Variants in RAI2 observed in about 807,000 individuals in gnomAD.
RAI2 encodes the protein retinoic acid induced 2.
In RAI2, 5 loss-of-function variants were observed where a neutral mutation model predicts 15.3. The ratio of observed to expected loss-of-function variants is 0.33; its 90% CI spans 0.17 to 0.69. The LOEUF (loss-of-function observed/expected upper bound fraction) is 0.69, where lower values mean the gene tolerates loss of function less well. RAI2 is among the 30% of genes least tolerant of loss of function. The pLI is 0.69. For synonymous variants in RAI2, 191 were observed against 184.0 expected, an observed-to-expected ratio of 1.04 and a Z score of -0.31; for missense variants, 424 against 424.7, an observed-to-expected ratio of 1.00 and a Z score of 0.01.
rs866910530 is a variant in RAI2, at chrX:17,801,858, C to T, written c.153G>A (p.Val51=). 8.3e-7 allele frequency: 1 copy of T among 1,211,025 alleles called. No individual in the cohort carries two copies. Among genetic ancestry groups the T allele is most frequent in the Non-Finnish European group, 1.1e-6 (1 of 895,311 alleles). ...TCAGAATGGATGGGGCTGGCACGGT[C>T]ACCAGGGCCTTCTTTACCAGGTCAG... ...NSTDLVKKAL[V]TVPAPSILNP... The change falls in exon 2 of 2, where the codon GTG becomes GTA. Residue 51 remains valine, a synonymous_variant. Coordinates refer to ENST00000451717, the MANE Select transcript of RAI2 (RefSeq NM_021785.6).
intron 1 of RAI2, among the ~76,000 whole-genome samples, chrX:17,820,512 G>A (rs372461406): frequency 1.8e-5 from 2 of 111,814 alleles, no homozygotes; most frequent in East Asian, 2.8e-4. Flanking sequence ...CTCCTATTTT[G>A]CATGCTGGAG....
chrX:17,827,013 A>C (rs771330601), intron 1 of RAI2, among the ~76,000 whole-genome samples: 15 of 112,674 alleles, frequency 1.3e-4, no homozygotes, highest in African/African-American at 4.8e-4. Context: ...GCTACAGCTG[A>C]AGATATAGAG....
chrX:17,825,671 T>A (rs759297388), intron 1 of RAI2, among the ~76,000 whole-genome samples: 2 of 112,628 alleles, frequency 1.8e-5, no homozygotes, highest in Non-Finnish European at 3.8e-5. Context: ...CAGGTAGTGA[T>A]GTCTTAGATA....
At chrX:17,853,491 G>A (rs1250274307) in intron 1 of RAI2, among the ~76,000 whole-genome samples, 1 of 111,562 alleles carries the variant, frequency 9.0e-6, no homozygotes, top group Admixed American at 9.5e-5. Flanking sequence ...TCTAGGGTAG[G>A]AGGATGTGGT....
chrX:17,802,357 C>T (rs1010153144), intron 1 of RAI2, among the ~76,000 whole-genome samples: 5 of 112,269 alleles, frequency 4.5e-5, no homozygotes, highest in African/African-American at 9.7e-5. Context: ...TCAACAAAAA[C>T]GAAGTTTCAG....
rs2067200272 is a variant in RAI2, at chrX:17,824,070, A to G, written c.-24-22036T>C. Among the ~76,000 whole-genome samples the G allele has an allele frequency of 2.7e-5, 3 of 112,805 alleles. 1 individual carries two copies. The South Asian group carries it at 1.1e-3, about 41-fold the overall frequency. On this transcript the variant is annotated intron_variant, in intron 1 of 1. Transcript: ENST00000451717. ...GCTGAATCAATAAGTGAATGAATAG[A>G]TGAATAAATAGATAAACGAATGAAT... is the stretch of plus-strand genomic sequence containing the variant.
intron 1 of RAI2, among the ~76,000 whole-genome samples, chrX:17,812,327 C>T (rs954826110): frequency 3.6e-5 from 4 of 112,110 alleles, no homozygotes; most frequent in African/African-American, 1.3e-4. Flanking sequence ...TAAGAAGGCA[C>T]TTACCATAAG....
At chrX:17,856,521 T>C (rs1283950997) in intron 1 of RAI2, among the ~76,000 whole-genome samples, 11 of 112,574 alleles carry the variant, frequency 9.8e-5, no homozygotes, top group African/African-American at 3.2e-4. Flanking sequence ...GATCTTTGAC[T>C]TCCCATCCTC....
intron 1 of RAI2, among the ~76,000 whole-genome samples, chrX:17,836,134 CTT>C (rs1465113654): frequency 9.1e-6 from 1 of 109,562 alleles, no homozygotes; most frequent in East Asian, 3.0e-4. Flanking sequence ...TTCCTCACAT[CTT>C]TTTGGAGTTA....
At chrX:17,826,772 C>T (rs751598250) in intron 1 of RAI2, among the ~76,000 whole-genome samples, 2 of 111,288 alleles carry the variant, frequency 1.8e-5, no homozygotes, top group South Asian at 7.7e-4. Context: ...CTCACAAGAT[C>T]TGATGGTTTA....
intron 1 of RAI2, among the ~76,000 whole-genome samples, chrX:17,810,733 T>C (rs1334377243): frequency 8.9e-6 from 1 of 112,402 alleles, no homozygotes. Context: ...AAGCCCCTAC[T>C]ACCTTCAGCC....
chrX:17,809,851 T>C (rs1216448503), intron 1 of RAI2, among the ~76,000 whole-genome samples: 1 of 111,339 alleles, frequency 9.0e-6, no homozygotes, highest in African/African-American at 3.3e-5. Flanking sequence ...TACTGCACCC[T>C]CAACCTCCAA....
intron 1 of RAI2, among the ~76,000 whole-genome samples, chrX:17,840,004 A>G (rs1403770746): frequency 1.8e-5 from 2 of 112,749 alleles, no homozygotes; most frequent in African/African-American, 6.4e-5. Flanking sequence ...GTGTGTTAAG[A>G]ACTTAAAGAA....
chrX:17,845,497 C>T (rs1374351633), intron 1 of RAI2, among the ~76,000 whole-genome samples: 1 of 112,087 alleles, frequency 8.9e-6, no homozygotes, highest in Admixed American at 9.4e-5. Context: ...TACCTGAAGG[C>T]TTGCACCAGG....
At chrX:17,836,326 A>G (rs767418834) in intron 1 of RAI2, among the ~76,000 whole-genome samples, 9 of 111,842 alleles carry the variant, frequency 8.0e-5, no homozygotes, top group African/African-American at 2.0e-4. Context: ...CATACACCTA[A>G]CCTACCAAAA....
rs368945317 is a variant in RAI2, at chrX:17,801,607, T to G, written c.404A>C (p.Asn135Thr). Reference protein sequence around the residue: ...VLEQHVFQHLNSPLVLPQEAP... With the variant: ...VLEQHVFQHLTSPLVLPQEAP... ...CTCCTGCGGCAGGACCAGAGGGGAGTTGAGGTGCTGAAAGACGTGCTGCTC... is the reference window on the plus strand; with the variant it reads ...CTCCTGCGGCAGGACCAGAGGGGAGGTGAGGTGCTGAAAGACGTGCTGCTC... Residue 135 changes from asparagine (N) to threonine (T), a missense_variant, in exon 2 of 2, where the codon AAC becomes ACC. Asn to Thr is a moderately conservative substitution (Grantham distance 65). Coordinates refer to ENST00000451717, the MANE Select transcript of RAI2 (RefSeq NM_021785.6). 8.3e-7 allele frequency: 1 copy of G among 1,209,178 alleles called. No homozygotes were observed. Among genetic ancestry groups the G allele is most frequent in the Non-Finnish European group, 1.1e-6 (1 of 894,596 alleles).
At chrX:17,820,946 C>T (rs1372884363) in intron 1 of RAI2, among the ~76,000 whole-genome samples, 2 of 110,860 alleles carry the variant, frequency 1.8e-5, no homozygotes, top group Admixed American at 1.9e-4. Flanking sequence ...GTCACCCAGG[C>T]TGGAGGGCAG....
chrX:17,824,467 C>G (rs2067204638), intron 1 of RAI2, among the ~76,000 whole-genome samples: 1 of 111,989 alleles, frequency 8.9e-6, no homozygotes, highest in Non-Finnish European at 1.9e-5. Flanking sequence ...TCAGTGCAGA[C>G]TCCAGAATTC....
At chrX:17,823,617 G>C (rs765675498) in intron 1 of RAI2, among the ~76,000 whole-genome samples, 2 of 111,767 alleles carry the variant, frequency 1.8e-5, no homozygotes, top group South Asian at 7.6e-4. Context: ...AGGATAAAGG[G>C]TGGAGAGGGA....
Sources: gnomAD v4.1 joint callset for allele counts (sites outside exome capture counted in the v4.1 genomes callset) on GRCh38, gnomAD v4.1.1 for gene constraint, MANE v1.5 for transcripts, NCBI Gene and HGNC (gene_info 2026-07-23, HGNC 2026-07-21) for gene names.